Variants in GRK3 observed in about 807,000 individuals in gnomAD.
GRK3 encodes adrenergic, beta, receptor kinase 2.
Under a neutral mutation model 95.7 loss-of-function variants are expected in GRK3, and 54 were observed. The ratio of observed to expected loss-of-function variants is 0.56; its 90% CI spans 0.45 to 0.71. The LOEUF is 0.71. GRK3 is among the 30% of genes least tolerant of loss of function. GRK3 has a pLI of 0.00. For synonymous variants in GRK3, 281 were observed against 290.8 expected (o/e 0.97, Z 0.34); for missense variants, 649 against 851.2 (o/e 0.76, Z 2.96).
intron 1 of GRK3, among the ~76,000 whole-genome samples, chr22:25,575,028 T>C (rs906415370): frequency 6.6e-6 from 1 of 152,236 alleles, no homozygotes; most frequent in Admixed American, 6.5e-5. Flanking sequence ...TTGGTGACTT[T>C]GTTGTTTCTC....
chr22:25,705,548 A>T (rs6004743), intron 15 of GRK3, among the ~76,000 whole-genome samples: 7,478 of 152,264 alleles, frequency 0.049, 309 homozygotes, highest in African/African-American at 0.11. Context: ...GTTCATTACA[A>T]GGCTTTTACT....
chr22:25,706,696 A>G (rs1019733369), intron 15 of GRK3, among the ~76,000 whole-genome samples: 5 of 151,776 alleles, frequency 3.3e-5, no homozygotes, highest in African/African-American at 1.2e-4. Context: ...ACGCCCAGCT[A>G]ATGTTTAGTA....
chr22:25,633,250 T>C (rs2084676939), intron 2 of GRK3, among the ~76,000 whole-genome samples: 1 of 152,164 alleles, frequency 6.6e-6, no homozygotes, highest in Non-Finnish European at 1.5e-5. Context: ...GTGTAAATCC[T>C]TTTTGTTATT....
chr22:25,693,019 G>C (rs971260487), intron 12 of GRK3, among the ~76,000 whole-genome samples: 2 of 152,192 alleles, frequency 1.3e-5, no homozygotes, highest in African/African-American at 2.4e-5. Flanking sequence ...CTTAGACTTA[G>C]TCCATTTAAC....
intron 5 of GRK3, among the ~76,000 whole-genome samples, chr22:25,665,564 T>C (rs1466174436): frequency 6.6e-6 from 1 of 151,738 alleles, no homozygotes; most frequent in East Asian, 1.9e-4. Context: ...ATTTGTTTTG[T>C]TCATTAAAAA....
At chr22:25,620,315 C>T (rs2084574990) in intron 2 of GRK3, among the ~76,000 whole-genome samples, 1 of 152,062 alleles carries the variant, frequency 6.6e-6, no homozygotes, top group South Asian at 2.1e-4. Flanking sequence ...TTTTAATATG[C>T]AAATGCAGGG....
chr22:25,651,033 G>A (rs1175162770), intron 3 of GRK3, among the ~76,000 whole-genome samples: 6 of 152,122 alleles, frequency 3.9e-5, no homozygotes, highest in Non-Finnish European at 7.4e-5. Flanking sequence ...GAGGAAGTTG[G>A]CAAAAACAGC....
chr22:25,683,250 A>G (rs1291328887), intron 9 of GRK3, among the ~76,000 whole-genome samples: 4 of 152,282 alleles, frequency 2.6e-5, no homozygotes, highest in Non-Finnish European at 4.4e-5. Context: ...GTGTATAAAT[A>G]TACCATACTA....
chr22:25,716,957 T>G (rs375413714), intron 18 of GRK3, among the ~76,000 whole-genome samples: 1 of 152,182 alleles, frequency 6.6e-6, no homozygotes, highest in Non-Finnish European at 1.5e-5. Flanking sequence ...GTGCTCCTTA[T>G]GAGAATCGAA....
chr22:25,581,461 G>C (rs1932097627), intron 1 of GRK3: 1 of 152,216 alleles, frequency 6.6e-6, no homozygotes, highest in Admixed American at 6.5e-5. Flanking sequence ...AACTTAGATT[G>C]ACGGGAGGAT....
At chr22:25,718,445 A>C in intron 19 of GRK3, 64 bp downstream of exon 19, 35 of 1,552,398 alleles carry the variant, frequency 2.3e-5, no homozygotes, top group Non-Finnish European at 2.8e-5. Context: ...TGGTTATTTC[A>C]TGTTGCTGAC....
intron 3 of GRK3, among the ~76,000 whole-genome samples, chr22:25,661,086 T>C (rs1368899761): frequency 1.3e-5 from 2 of 152,246 alleles, no homozygotes; most frequent in Non-Finnish European, 2.9e-5. Context: ...ATAATACTTA[T>C]TTGCTTTAGT....
chr22:25,693,799 G>A (rs1335665440), intron 12 of GRK3, among the ~76,000 whole-genome samples: 2 of 109,062 alleles, frequency 1.8e-5, no homozygotes, highest in Admixed American at 1.1e-4. Flanking sequence ...TTTTTTTTGA[G>A]ATGGAGTTTC....
chr22:25,695,859 A>T (rs573648456), intron 13 of GRK3, among the ~76,000 whole-genome samples: 1 of 137,686 alleles, frequency 7.3e-6, no homozygotes, highest in Admixed American at 7.5e-5. Context: ...TTTTTTTGAG[A>T]CGTCTCGCTC....
At position 25,568,338 on chromosome 22, in the gene GRK3, A is replaced by G. The variant is rs568347446; in HGVS notation, c.113+3185A>G. ...TTTTTTTTAAAAAAAACAGAATGAAATTCAGATGACTTGAAATCACATATA... is the reference window on the plus strand; with the variant it reads ...TTTTTTTTAAAAAAAACAGAATGAAGTTCAGATGACTTGAAATCACATATA... On this transcript the variant is annotated intron_variant, in intron 1 of 20. Transcript: ENST00000324198. Among the ~76,000 whole-genome samples, 3 of 152,272 alleles carry G rather than the reference A, an allele frequency of 2.0e-5. No individual in the cohort carries two copies. In the South Asian group the frequency reaches 6.2e-4, roughly 32 times the overall value.
intron 1 of GRK3, among the ~76,000 whole-genome samples, chr22:25,599,319 G>A (rs2084392817): frequency 6.6e-6 from 1 of 152,130 alleles, no homozygotes; most frequent in African/African-American, 2.4e-5. Flanking sequence ...TATGCCAGGT[G>A]CAGTGGCTCA....
intron 9 of GRK3, among the ~76,000 whole-genome samples, chr22:25,683,051 T>C (rs2085086788): frequency 6.6e-6 from 1 of 152,268 alleles, no homozygotes; most frequent in Non-Finnish European, 1.5e-5. Context: ...AGGCCAAGTC[T>C]AGCTTGTTGG....
At position 25,647,004 on chromosome 22, in the gene GRK3, G is replaced by A. The variant is rs545167132; in HGVS notation, c.264+2339G>A. Among the ~76,000 whole-genome samples, 5 of 128,942 alleles carry A rather than the reference G, an allele frequency of 3.9e-5. No homozygotes were observed. The South Asian group carries it at 1.2e-3, about 31-fold the overall frequency. 84.6% of individuals were successfully genotyped at this position (128,942 alleles called of 152,430 possible). A position where few individuals can be genotyped will look rare whatever the true frequency, so the allele number is the denominator to read the frequency against. On this transcript the variant is annotated intron_variant, in intron 3 of 20. Coordinates refer to ENST00000324198, the MANE Select transcript of GRK3 (RefSeq NM_005160.4). ...CCATTGCACTCTAGCCTGGGTGACCGAGGGAGACTTTGTCTCAAAAAAAAA... is the reference window on the plus strand; with the variant it reads ...CCATTGCACTCTAGCCTGGGTGACCAAGGGAGACTTTGTCTCAAAAAAAAA...
At position 25,687,557 on chromosome 22, in the gene GRK3, C is replaced by T; in HGVS notation, c.847C>T (p.Leu283Phe). 1 of 1,614,074 alleles carries T rather than the reference C, an allele frequency of 6.2e-7. No homozygotes were observed. The highest frequency in any genetic ancestry group is 1.1e-5 in the South Asian group (1 of 91,054). Residue 283 changes from leucine to phenylalanine, a missense_variant, in exon 11 of 21, where the codon CTT becomes TTT. This residue lies in a region of GRK3 where 61 missense variants were observed against 126.0 expected (regional missense o/e 0.48). Transcript: ENST00000324198. ...LMNGGDLHYH[L>F]SQHGVFSEKE... is the part of the protein sequence containing the mutation. The stretch of plus-strand genomic sequence containing the variant: ...TCCAGGGGGCGATTTGCACTACCAC[C>T]TTTCACAACACGGTGTGTTCTCTGA...
Sources: gnomAD v4.1 joint callset for allele counts (sites outside exome capture counted in the v4.1 genomes callset) on GRCh38, gnomAD v4.1.1 for gene constraint, gnomAD v4.1.1 regional missense constraint, MANE v1.5 for transcripts, NCBI Gene and HGNC (gene_info 2026-07-23, HGNC 2026-07-21) for gene names.